The following CSMD1 variants were observed in gnomAD, a reference collection of about 807,000 sequenced individuals.
CSMD1 encodes CUB and sushi domain-containing protein 1.
CSMD1 carries 213 observed loss-of-function variants against 417.5 expected under a neutral mutation model. That is an observed-to-expected ratio of 0.51 (90% CI 0.46 to 0.57). The LOEUF is 0.57. Among genes scored for constraint, CSMD1 ranks in the 20% least tolerant of loss-of-function variants. The pLI is 0.00. For missense variants in CSMD1, 6,923 were observed against 4,529.7 expected, an observed-to-expected ratio of 1.53 and a Z score of -15.17; for synonymous variants, 2,862 against 1,736.8, an observed-to-expected ratio of 1.65 and a Z score of -16.11.
intron 1 of CSMD1, among the ~76,000 whole-genome samples, chr8:4,971,435 A>C (rs570865667): frequency 6.6e-6 from 1 of 152,080 alleles, no homozygotes; most frequent in African/African-American, 2.4e-5. Context: ...TCAAGTTTCC[A>C]TAATTCTAAC....
intron 26 of CSMD1, among the ~76,000 whole-genome samples, chr8:3,276,394 G>C (rs1281683496): frequency 3.3e-5 from 5 of 152,184 alleles, no homozygotes; most frequent in Non-Finnish European, 1.5e-5. Context: ...GACCGGAGCT[G>C]TTCCTATTCG....
chr8:4,237,084 T>C (rs967283790), intron 3 of CSMD1, among the ~76,000 whole-genome samples: 4 of 152,218 alleles, frequency 2.6e-5, no homozygotes, highest in Non-Finnish European at 5.9e-5. Flanking sequence ...CCTACAATTT[T>C]ATTCTTCACT....
At chr8:3,846,654 T>C (rs941182379) in intron 5 of CSMD1, among the ~76,000 whole-genome samples, 10 of 152,308 alleles carry the variant, frequency 6.6e-5, no homozygotes, top group African/African-American at 2.4e-4. Context: ...CCTAAGGATT[T>C]ATTTAATTAT....
intron 3 of CSMD1, among the ~76,000 whole-genome samples, chr8:4,418,928 G>C (rs535270412): frequency 6.6e-6 from 1 of 152,252 alleles, no homozygotes; most frequent in South Asian, 2.1e-4. Context: ...GTAACTTTAA[G>C]CAAAAGGATA....
rs114604088 is a variant in CSMD1, at chr8:3,737,776, C to A, written c.931+16154G>T. Among the ~76,000 whole-genome samples the A allele has an allele frequency of 7.6e-3, 1,150 of 152,220 alleles. 12 individuals are homozygous for A. The highest frequency in any genetic ancestry group is 0.034 in the Middle Eastern group (10 of 294). On this transcript the variant is annotated intron_variant, in intron 6 of 69. Coordinates refer to ENST00000635120, the MANE Select transcript of CSMD1 (RefSeq NM_033225.6). ...ACATTCATTTAAGCTCCCATGAAAT[C>A]GTCTGAAATCAAAGGAGACAAATAA...
chr8:4,230,038 G>C (rs957155530), intron 3 of CSMD1, among the ~76,000 whole-genome samples: 2 of 152,110 alleles, frequency 1.3e-5, no homozygotes, highest in African/African-American at 4.8e-5. Context: ...TTAAACATAA[G>C]AACATCTTAC....
At chr8:3,911,621 G>C (rs1162654568) in intron 5 of CSMD1, among the ~76,000 whole-genome samples, 1 of 151,502 alleles carries the variant, frequency 6.6e-6, no homozygotes, top group Admixed American at 6.6e-5. Flanking sequence ...CATCCAATTC[G>C]ATTAATAACT....
chr8:4,518,925 G>T (rs1476947043), intron 2 of CSMD1, among the ~76,000 whole-genome samples: 1 of 152,082 alleles, frequency 6.6e-6, no homozygotes, highest in East Asian at 1.9e-4. Flanking sequence ...ATGAGTTAAA[G>T]AATTTATCAG....
intron 5 of CSMD1, among the ~76,000 whole-genome samples, chr8:3,880,832 T>C (rs985789572): frequency 1.3e-5 from 2 of 152,214 alleles, no homozygotes; most frequent in South Asian, 2.1e-4. Flanking sequence ...AAAAATAACG[T>C]AATGACCTGC....
chr8:4,299,022 G>A (rs557214052), intron 3 of CSMD1, among the ~76,000 whole-genome samples: 74 of 152,080 alleles, frequency 4.9e-4, no homozygotes, highest in African/African-American at 1.7e-3. Context: ...CATTTAAAAA[G>A]CAGAATAAAA....
intron 4 of CSMD1, among the ~76,000 whole-genome samples, chr8:4,025,433 T>C (rs2130532622): frequency 6.6e-6 from 1 of 152,320 alleles, no homozygotes; most frequent in Non-Finnish European, 1.5e-5. Context: ...ATTTAATAAT[T>C]TATGAATCAA....
At chr8:4,575,910 G>A (rs746144905) in intron 2 of CSMD1, among the ~76,000 whole-genome samples, 30 of 152,180 alleles carry the variant, frequency 2.0e-4, no homozygotes, top group Middle Eastern at 3.4e-3. Flanking sequence ...TGTTGTGATC[G>A]TTCCAGTGTA....
chr8:3,632,760 C>CT (rs1275830544), intron 7 of CSMD1, among the ~76,000 whole-genome samples: 3 of 152,160 alleles, frequency 2.0e-5, no homozygotes, highest in Non-Finnish European at 4.4e-5. Context: ...TTTTGCTGCC[C>CT]TTGTTTTGTT....
chr8:4,460,858 A>G (rs1316868668), intron 2 of CSMD1, among the ~76,000 whole-genome samples: 1 of 152,202 alleles, frequency 6.6e-6, no homozygotes, highest in Non-Finnish European at 1.5e-5. Flanking sequence ...GAGTAGAATT[A>G]TTGTCAGTCT....
chr8:3,960,285 A>T (rs1212189983), intron 5 of CSMD1, among the ~76,000 whole-genome samples: 1 of 152,178 alleles, frequency 6.6e-6, no homozygotes, highest in East Asian at 1.9e-4. Context: ...CTAATAAGGA[A>T]TTTAGCAAAT....
chr8:4,221,819 T>C (rs1022942890), intron 3 of CSMD1, among the ~76,000 whole-genome samples: 2 of 152,164 alleles, frequency 1.3e-5, no homozygotes, highest in African/African-American at 4.8e-5. Context: ...TTTTCCTACT[T>C]GGCTCTGAGA....
At chr8:3,048,660 G>T (rs1260282367) in intron 50 of CSMD1, among the ~76,000 whole-genome samples, 1 of 152,126 alleles carries the variant, frequency 6.6e-6, no homozygotes, top group Non-Finnish European at 1.5e-5. Flanking sequence ...AAATTGTGGT[G>T]CCCTTGGGTT....
chr8:3,840,411 A>G (rs1426764728), intron 5 of CSMD1, among the ~76,000 whole-genome samples: 1 of 152,160 alleles, frequency 6.6e-6, no homozygotes, highest in Admixed American at 6.5e-5. Context: ...AAAATAGATA[A>G]CGTTGTACTT....
At chr8:4,891,034 G>A (rs1804087539) in intron 1 of CSMD1, among the ~76,000 whole-genome samples, 1 of 152,050 alleles carries the variant, frequency 6.6e-6, no homozygotes, top group Admixed American at 6.5e-5. Flanking sequence ...TGTGGAAATG[G>A]TTCCATTCAT....
Sources: allele counts gnomAD v4.1 joint callset (sites outside exome capture counted in the v4.1 genomes callset), GRCh38; gene constraint gnomAD v4.1.1; transcripts MANE v1.5; gene names NCBI Gene and HGNC (gene_info 2026-07-23, HGNC 2026-07-21).